The following GDA variants were observed in gnomAD, a reference collection of about 807,000 sequenced individuals.
GDA encodes guanine deaminase, also known as cytoplasmic PSD-95 interactor.
A neutral mutation model predicts 59.6 loss-of-function variants in GDA; 18 were observed. That is an observed-to-expected ratio of 0.30 (90% CI 0.21 to 0.45). GDA has a LOEUF of 0.45. Ranked by LOEUF, GDA falls within the 20% of genes least tolerant of loss-of-function variation. The probability of loss-of-function intolerance (pLI) is 1.00; values close to 1 mark genes in which losing one functional copy is unlikely to be tolerated. For missense variants in GDA, 427 were observed against 552.3 expected (o/e 0.77, Z 2.27); for synonymous variants, 201 against 201.1 (o/e 1.00, Z 0.00).
At chr9:72,175,354 G>C (rs772285070) in intron 1 of GDA, among the ~76,000 whole-genome samples, 1 of 152,098 alleles carries the variant, frequency 6.6e-6, no homozygotes, top group East Asian at 1.9e-4. Context: ...TATTCAGGGG[G>C]TACGACAGAG....
chr9:72,146,863 C>T (rs1826659265), upstream of GDA, among the ~76,000 whole-genome samples: 1 of 152,194 alleles, frequency 6.6e-6, no homozygotes, highest in Admixed American at 6.5e-5. Context: ...CTTCTGGATC[C>T]TGGGCCCAGG....
chr9:72,226,957 A>G (rs1837678476), intron 8 of GDA, among the ~76,000 whole-genome samples: 1 of 152,140 alleles, frequency 6.6e-6, no homozygotes, highest in African/African-American at 2.4e-5. Context: ...CTCTACTAAA[A>G]ATACAAAAAA....
At position 72,247,428 on chromosome 9, in the gene GDA, A is replaced by T; in HGVS notation, c.1289A>T (p.Tyr430Phe). 2 of 1,471,732 alleles carry T rather than the reference A, an allele frequency of 1.4e-6. No individual in the cohort carries two copies. The highest frequency in any genetic ancestry group is 1.9e-6 in the Non-Finnish European group (2 of 1,050,354). 91.2% of individuals were successfully genotyped at this position (1,471,732 alleles called of 1,614,324 possible). ...TAGGCTGTTATCCAGAAGTTCCTCT[A>T]TCTAGGTAGGTAGATGCATGTCTCT... ...ISEAVIQKFLYLGDDRNIEEV... is the reference protein window; with the variant it reads ...ISEAVIQKFLFLGDDRNIEEV... Residue 430 changes from tyrosine (Y) to phenylalanine (F), a missense_variant, in exon 13 of 14, where the codon TAT becomes TTT. Coordinates refer to ENST00000358399, the MANE Select transcript of GDA (RefSeq NM_004293.5).
At chr9:72,154,955 G>A (rs1467555513) in intron 1 of GDA, among the ~76,000 whole-genome samples, 1 of 152,192 alleles carries the variant, frequency 6.6e-6, no homozygotes, top group African/African-American at 2.4e-5. Context: ...CTGCCCTCTT[G>A]AAACTGATGA....
At position 72,223,213 on chromosome 9, in the gene GDA, G is replaced by T. The variant is rs1837120550; in HGVS notation, c.700G>T (p.Asp234Tyr). 4 of 1,603,410 alleles carry T rather than the reference G, an allele frequency of 2.5e-6. No individual in the cohort carries two copies. The highest frequency in any genetic ancestry group is 1.3e-5 in the African/African-American group (1 of 74,714). Reference protein sequence around the residue: ...GELGNIAKTRDLHIQSHISEN... With the variant: ...GELGNIAKTRYLHIQSHISEN... ...ACTGGGCAACATTGCTAAAACCCGT[G>T]ATTTGCACATTCAGGTGGGTATTCT... Residue 234 changes from aspartate to tyrosine, a missense_variant, in exon 7 of 14, where the codon GAT becomes TAT. Transcript: ENST00000358399.
At chr9:72,140,938 G>A (rs769355104) in intron 1 of GDA, among the ~76,000 whole-genome samples, 4 of 152,076 alleles carry the variant, frequency 2.6e-5, no homozygotes, top group South Asian at 2.1e-4. Flanking sequence ...CAGGAGGATC[G>A]CTTGAGGTTT....
chr9:72,256,405 G>A (rs1840885266), downstream of GDA, among the ~76,000 whole-genome samples: 1 of 152,140 alleles, frequency 6.6e-6, no homozygotes, highest in African/African-American at 2.4e-5. Flanking sequence ...GAAACACATA[G>A]ACAATATGTT....
chr9:72,149,783 G>A (rs1315238322), intron 1 of GDA, 101 bp downstream of exon 1: 1 of 1,226,910 alleles, frequency 8.2e-7, no homozygotes, highest in Non-Finnish European at 1.1e-6. Flanking sequence ...TCGGTGCGCA[G>A]TGAGCGCCGC....
chr9:72,242,794 G>C (rs1483395332), intron 11 of GDA, among the ~76,000 whole-genome samples: 3 of 152,084 alleles, frequency 2.0e-5, no homozygotes, highest in Non-Finnish European at 4.4e-5. Context: ...CACCACCATT[G>C]TCTTTTCACA....
In GDA at chr9:72,218,194, G is replaced by T. The variant is rs143697285; in HGVS notation, c.579-1285G>T. Reference sequence around the variant, plus strand: ...CTCCCAAAGTGCTGAGATTACAGGCGTGAGCCACTGCACCTGGCCAAAATG... The same window carrying T: ...CTCCCAAAGTGCTGAGATTACAGGCTTGAGCCACTGCACCTGGCCAAAATG... On this transcript the variant is annotated intron_variant, in intron 5 of 13. Transcript: ENST00000358399. 3.3e-3 allele frequency among the ~76,000 whole-genome samples: 510 copies of T among 152,274 alleles called. 2 individuals are homozygous for T. Among genetic ancestry groups the T allele is most frequent in the African/African-American group, 0.011 (456 of 41,558 alleles).
chr9:72,146,518 T>TCTC (rs1177556457), upstream of GDA, among the ~76,000 whole-genome samples: 1 of 150,376 alleles, frequency 6.6e-6, no homozygotes, highest in African/African-American at 2.5e-5. Flanking sequence ...GAGAGTGGAG[T>TCTC]CTCACCCTGT....
At chr9:72,145,759 G>T (rs1826605293), upstream of GDA, among the ~76,000 whole-genome samples, 2 of 152,138 alleles carry the variant, frequency 1.3e-5, no homozygotes. Context: ...TTTTCTCTAT[G>T]TCTGAACATT....
chr9:72,153,839 G>A (rs1426422616), intron 1 of GDA, among the ~76,000 whole-genome samples: 1 of 142,556 alleles, frequency 7.0e-6, no homozygotes, highest in African/African-American at 2.6e-5. Context: ...GGGAGGGATA[G>A]CATTAGGAGA....
At chr9:72,239,163 G>C (rs1322785924) in intron 10 of GDA, among the ~76,000 whole-genome samples, 4 of 151,840 alleles carry the variant, frequency 2.6e-5, no homozygotes, top group Non-Finnish European at 5.9e-5. Context: ...GAAATCCCTG[G>C]AAAAAAAGGC....
intron 2 of GDA, among the ~76,000 whole-genome samples, chr9:72,197,307 A>G (rs1293113658): frequency 6.6e-6 from 1 of 152,102 alleles, no homozygotes; most frequent in Admixed American, 6.6e-5. Context: ...CTGCCTCTCT[A>G]TGGGCTTGGA....
intron 6 of GDA, among the ~76,000 whole-genome samples, chr9:72,220,886 G>C (rs1836769344): frequency 6.6e-6 from 1 of 152,162 alleles, no homozygotes; most frequent in South Asian, 2.1e-4. Flanking sequence ...CCTGGTGTTG[G>C]TGAGCCTGTG....
Position 72,250,135 on chromosome 9 carries a change from G to A in GDA, c.*1793G>A. The A allele has an allele frequency of 1.0e-6, 1 of 985,050 alleles. No individual in the cohort carries two copies. Among genetic ancestry groups the A allele is most frequent in the Non-Finnish European group, 1.2e-6 (1 of 829,728 alleles). The allele number at this position is 985,050 out of a possible 1,614,324, so 61.0% of individuals were successfully genotyped here. A position where few individuals can be genotyped will look rare whatever the true frequency, so the allele number is the denominator to read the frequency against. ...CAAATTTCTCCCCATTTCTCTACGG[G>A]GCTAGCAAAAATCTTCAGCTTTATC... On this transcript the variant is annotated 3_prime_UTR_variant, in exon 14 of 14. Transcript: ENST00000358399.
At chr9:72,241,373 T>A in intron 11 of GDA, 75 bp downstream of exon 11, 2 of 1,110,756 alleles carry the variant, frequency 1.8e-6, no homozygotes, top group South Asian at 3.7e-5. Context: ...AGTATGAAGA[T>A]GCATGATTGG....
upstream of GDA, among the ~76,000 whole-genome samples, chr9:72,148,309 ATGTGTGTGTGTGTGTGTG>A (rs58161772): frequency 1.4e-4 from 21 of 145,950 alleles, no homozygotes; most frequent in African/African-American, 3.3e-4. Context: ...TGGTGTGTGT[ATGTGTGTGTGTGTGTGTG>A]TGTGTGTGTG....
Sources: gnomAD v4.1 joint callset for allele counts (sites outside exome capture counted in the v4.1 genomes callset) on GRCh38, gnomAD v4.1.1 for gene constraint, MANE v1.5 for transcripts, NCBI Gene and HGNC (gene_info 2026-07-23, HGNC 2026-07-21) for gene names.